SELENOK: variants seen among roughly 807,000 people sequenced by gnomAD.
SELENOK encodes the protein selenoprotein K.
Under a neutral mutation model 17.3 loss-of-function variants are expected in SELENOK, and 11 were observed. The ratio of observed to expected loss-of-function variants is 0.63; its 90% CI spans 0.40 to 1.05. SELENOK has a LOEUF of 1.05. SELENOK is among the 50% of genes least tolerant of loss of function. The pLI is 0.00. For synonymous variants in SELENOK, 45 were observed against 35.4 expected, an observed-to-expected ratio of 1.27 and a Z score of -0.97; for missense variants, 125 against 113.9, an observed-to-expected ratio of 1.10 and a Z score of -0.44.
chr3:53,891,681 G>C (rs1474517522), intron 1 of SELENOK, 89 bp downstream of exon 1: 1 of 1,544,732 alleles, frequency 6.5e-7, no homozygotes, highest in African/African-American at 1.4e-5. Context: ...AGCCGCACCG[G>C]GCTCAAGACT....
At chr3:53,887,999 C>T (rs1700138755) in intron 2 of SELENOK, 1 of 152,716 alleles carries the variant, frequency 6.5e-6, no homozygotes, top group African/African-American at 2.4e-5. Flanking sequence ...TTTTTTTAAA[C>T]CAGGATATAA....
chr3:53,887,064 T>C, intron 2 of SELENOK, 130 bp from the exon 3 acceptor site: 1 of 659,206 alleles, frequency 1.5e-6, no homozygotes, highest in South Asian at 2.2e-5. Context: ...CCACATTTCT[T>C]GCAGCCAGCT....
In SELENOK at chr3:53,885,883, C is replaced by G. The variant is rs760313928; in HGVS notation, c.224G>C (p.Gly75Ala). The G allele has an allele frequency of 3.5e-5, 55 of 1,558,876 alleles. No individual in the cohort carries two copies. Among genetic ancestry groups the G allele is most frequent in the East Asian group, 3.2e-4 (14 of 43,792 alleles). The change falls in exon 4 of 5, where the codon GGT becomes GCT. Residue 75 changes from glycine (G) to alanine (A), a missense_variant. Coordinates refer to ENST00000495461, the MANE Select transcript of SELENOK (RefSeq NM_021237.5). The stretch of plus-strand genomic sequence containing the variant: ...AGGGCCACGCAGATGATTGATTCTA[C>G]CCATTCTTCGGGGAGGGTTTCCTGG... ...GPPGNPPRRM[G>A]RINHLRGPSP...
Position 53,888,494 on chromosome 3 carries a change from G to C in SELENOK, c.20-11C>G. 1 of 1,584,960 alleles carries C rather than the reference G, an allele frequency of 6.3e-7. No homozygotes were observed. Among genetic ancestry groups the C allele is most frequent in the Admixed American group, 1.7e-5 (1 of 59,478 alleles). On this transcript the variant is annotated splice_polypyrimidine_tract_variant and intron_variant, in intron 1 of 4. Transcript: ENST00000495461. Reference sequence around the variant, plus strand: ...TGTCCAACACTTGTCCTACAGATAAGAATTAAAGAAACTTTAGTGAGTGCT... The same window carrying C: ...TGTCCAACACTTGTCCTACAGATAACAATTAAAGAAACTTTAGTGAGTGCT...
At chr3:53,889,468 T>C (rs1700152245) in intron 1 of SELENOK, among the ~76,000 whole-genome samples, 1 of 152,234 alleles carries the variant, frequency 6.6e-6, no homozygotes, top group Non-Finnish European at 1.5e-5. Context: ...GAATAATATA[T>C]CCTTGTATGT....
rs1316839119 is a variant in SELENOK at position 53,884,888 on chromosome 3, C to T, written c.*670G>A. 1 of 152,236 alleles carries T rather than the reference C, an allele frequency of 6.6e-6. No homozygotes were observed. Among genetic ancestry groups the T allele is most frequent in the African/African-American group, 2.4e-5 (1 of 41,456 alleles). The allele number at this position is 152,236 out of a possible 1,614,324, so 9.4% of individuals were successfully genotyped here. A position where few individuals can be genotyped will look rare whatever the true frequency, so the allele number is the denominator to read the frequency against. On this transcript the variant is annotated 3_prime_UTR_variant, in exon 5 of 5. Coordinates refer to ENST00000495461, the MANE Select transcript of SELENOK (RefSeq NM_021237.5). ...AGGCGATCTGCCCGCCTCAGCCTCC[C>T]ACAGTGCTGGGATTACAGGCATGAG...
At chr3:53,886,424 C>T (rs541506632) in intron 3 of SELENOK, among the ~76,000 whole-genome samples, 10 of 152,114 alleles carry the variant, frequency 6.6e-5, no homozygotes, top group Admixed American at 3.3e-4. Context: ...TTAGTAGAGA[C>T]GGGGTTTCAT....
chr3:53,885,381 C>G lies in SELENOK; in HGVS notation c.*177G>C, dbSNP rs11720307. On this transcript the variant is annotated 3_prime_UTR_variant, in exon 5 of 5. Transcript: ENST00000495461. ...TTATGGAACTGCATGTCAGTCAGGC[C>G]AGTTCCCTGCAGAGGGAATTCCCAG... 3,531 of 609,104 alleles carry G rather than the reference C, an allele frequency of 5.8e-3. 18 individuals carry two copies. The highest frequency in any genetic ancestry group is 0.013 in the Middle Eastern group (28 of 2,196). The allele number at this position is 609,104 out of a possible 1,614,324, so 37.7% of individuals were successfully genotyped here.
intron 2 of SELENOK, 102 bp downstream of exon 2, chr3:53,888,291 G>C (rs1700141015): frequency 2.6e-6 from 2 of 758,316 alleles, no homozygotes. Flanking sequence ...ATAGAAAACT[G>C]TTTCAGGAAA....
At chr3:53,889,544 A>G (rs1700153070) in intron 1 of SELENOK, among the ~76,000 whole-genome samples, 1 of 152,172 alleles carries the variant, frequency 6.6e-6, no homozygotes, top group Admixed American at 6.5e-5. Context: ...CCACCTTCTG[A>G]CTACTGTGAA....
At chr3:53,889,936 A>G (rs1468287211) in intron 1 of SELENOK, among the ~76,000 whole-genome samples, 3 of 152,260 alleles carry the variant, frequency 2.0e-5, no homozygotes, top group Non-Finnish European at 2.9e-5. Context: ...AAGCTACAAC[A>G]TAAGTTGGTA....
At chr3:53,887,705 C>T (rs1361535591) in intron 2 of SELENOK, among the ~76,000 whole-genome samples, 1 of 152,136 alleles carries the variant, frequency 6.6e-6, no homozygotes, top group African/African-American at 2.4e-5. Context: ...TCATGCCCAC[C>T]CTTGCAATAT....
rs2107087864 is a variant in SELENOK at position 53,885,901 on chromosome 3, T to C, written c.206A>G (p.Asn69Ser). Reference sequence around the variant, plus strand: ...GATTCTACCCATTCTTCGGGGAGGGTTTCCTGGTGGCCTAATAAAATAAAA... The same window carrying C: ...GATTCTACCCATTCTTCGGGGAGGGCTTCCTGGTGGCCTAATAAAATAAAA... ...RYDDGRGPPG[N>S]PPRRMGRINH... is the part of the protein sequence containing the mutation. The change falls in exon 4 of 5, where the codon AAC becomes AGC. Residue 69 changes from asparagine to serine, a missense_variant. By Grantham distance (46) the Asn-to-Ser change is conservative. Transcript: ENST00000495461. The C allele has an allele frequency of 6.5e-7, 1 of 1,533,178 alleles. No individual in the cohort carries two copies. Among genetic ancestry groups the C allele is most frequent in the South Asian group, 1.3e-5 (1 of 79,018 alleles). The allele number at this position is 1,533,178 out of a possible 1,614,324, so 95.0% of individuals were successfully genotyped here. A position where few individuals can be genotyped will look rare whatever the true frequency, so the allele number is the denominator to read the frequency against.
intron 3 of SELENOK, among the ~76,000 whole-genome samples, chr3:53,886,268 C>T (rs1700124979): frequency 6.6e-6 from 1 of 152,036 alleles, no homozygotes; most frequent in Non-Finnish European, 1.5e-5. Context: ...GATGGAGTCC[C>T]ACTCTGTCTC....
chr3:53,890,486 T>C (rs1209082264), intron 1 of SELENOK, among the ~76,000 whole-genome samples: 1 of 152,214 alleles, frequency 6.6e-6, no homozygotes, highest in Non-Finnish European at 1.5e-5. Context: ...TGCAGTTGTG[T>C]TTCTCAACTT....
Position 53,891,771 on chromosome 3 carries a change from G to A in SELENOK, c.18C>T (p.Asn6=), listed in dbSNP as rs199638456. Residue 6 remains asparagine, a splice_region_variant and synonymous_variant, in exon 1 of 5, where the codon AAC becomes AAT. Coordinates refer to ENST00000495461, the MANE Select transcript of SELENOK (RefSeq NM_021237.5). Reference sequence around the variant, plus strand: ...AGCCACAGCCCGCTCTCAACTTACCGTTCGAGATGTAAACCATCTTGTCCC... The same window carrying A: ...AGCCACAGCCCGCTCTCAACTTACCATTCGAGATGTAAACCATCTTGTCCC... The part of the protein sequence containing the change: MVYIS[N]GQVLDSRSQS... 35 of 1,614,012 alleles carry A rather than the reference G, an allele frequency of 2.2e-5. No homozygotes were observed. In the African/African-American group the frequency reaches 4.0e-4, roughly 18 times the overall value.
In SELENOK at chr3:53,884,784, G is replaced by A. The variant is rs1700111986; in HGVS notation, c.*774C>T. On this transcript the variant is annotated 3_prime_UTR_variant, in exon 5 of 5. Coordinates refer to ENST00000495461, the MANE Select transcript of SELENOK (RefSeq NM_021237.5). ...GCCTCCTGAGTAGCAGGGATTACAG[G>A]TGCACTCTACCACGCCTGGCTAATT... 1 of 152,254 alleles carries A rather than the reference G, an allele frequency of 6.6e-6. No individual in the cohort carries two copies. The highest frequency in any genetic ancestry group is 2.4e-5 in the African/African-American group (1 of 41,452). 9.4% of individuals were successfully genotyped at this position (152,254 alleles called of 1,614,324 possible). A position where few individuals can be genotyped will look rare whatever the true frequency, so the allele number is the denominator to read the frequency against.
At chr3:53,886,441 G>A (rs1199009647) in intron 3 of SELENOK, among the ~76,000 whole-genome samples, 1 of 152,090 alleles carries the variant, frequency 6.6e-6, no homozygotes, top group African/African-American at 2.4e-5. Flanking sequence ...TCATCATGTT[G>A]GTCAGGATGG....
chr3:53,889,591 T>C (rs1050312263), intron 1 of SELENOK, among the ~76,000 whole-genome samples: 2 of 152,346 alleles, frequency 1.3e-5, no homozygotes, highest in Admixed American at 1.3e-4. Context: ...AAATACCTCT[T>C]TATTCAAGTA....
Sources: gnomAD v4.1 joint callset for allele counts (sites outside exome capture counted in the v4.1 genomes callset) on GRCh38, gnomAD v4.1.1 for gene constraint, MANE v1.5 for transcripts, NCBI Gene and HGNC (gene_info 2026-07-23, HGNC 2026-07-21) for gene names.